Variants in EPHA5 observed in about 807,000 individuals in gnomAD.
EPHA5 encodes EPH receptor A5.
In EPHA5, 60 loss-of-function variants were observed where a neutral mutation model predicts 105.0. The observed-to-expected ratio is 0.57, with a 90% confidence interval of 0.46 to 0.71. The LOEUF (loss-of-function observed/expected upper bound fraction) is 0.71, where lower values mean the gene tolerates loss of function less well. Ranked by LOEUF, EPHA5 falls within the 30% of genes least tolerant of loss-of-function variation. The pLI, the probability that EPHA5 is intolerant of heterozygous loss-of-function variation, is 0.00. For missense variants in EPHA5, 1,218 were observed against 1,274.7 expected (o/e 0.96, Z 0.68); for synonymous variants, 513 against 449.1 (o/e 1.14, Z -1.80).
chr4:65,622,313 C>T (rs534000348), intron 2 of EPHA5, among the ~76,000 whole-genome samples: 2 of 152,052 alleles, frequency 1.3e-5, no homozygotes, highest in South Asian at 2.1e-4. Context: ...AAATTCATTG[C>T]ACCATAAGAG....
chr4:65,423,000 G>C (rs117001062), intron 5 of EPHA5, among the ~76,000 whole-genome samples: 1 of 151,886 alleles, frequency 6.6e-6, no homozygotes, highest in East Asian at 1.9e-4. Flanking sequence ...TCCTTTTTCT[G>C]TCCTGAGATT....
At position 65,494,811 on chromosome 4, in the gene EPHA5, A is replaced by C. The variant is rs1424965113; in HGVS notation, c.1066+577T>G. The stretch of plus-strand genomic sequence containing the variant: ...TGATCTGATTTAAATCTTGTTTGCC[A>C]CTCCCAGTTCTCTATGTTCCTGAAA... On this transcript the variant is annotated intron_variant, in intron 4 of 16. Coordinates refer to ENST00000613740, the MANE Select transcript of EPHA5 (RefSeq NM_001281766.3). Among the ~76,000 whole-genome samples, 4 of 152,132 alleles carry C rather than the reference A, an allele frequency of 2.6e-5. No homozygotes were observed. The East Asian group carries it at 5.8e-4, about 22-fold the overall frequency.
At chr4:65,392,071 C>T (rs991374543) in intron 8 of EPHA5, among the ~76,000 whole-genome samples, 3 of 152,188 alleles carry the variant, frequency 2.0e-5, no homozygotes, top group Non-Finnish European at 4.4e-5. Context: ...TTTCCTAGGA[C>T]GGTTTACTTC....
rs145974687 is a variant in EPHA5, at chr4:65,494,244, A to T, written c.1066+1144T>A. Among the ~76,000 whole-genome samples the T allele has an allele frequency of 7.9e-5, 12 of 152,364 alleles. No individual in the cohort carries two copies. The East Asian group carries it at 2.3e-3, about 29-fold the overall frequency. The stretch of plus-strand genomic sequence containing the variant: ...GGAAATCTGAAAACATGTTTCACTG[A>T]CACTATGAAATTTAGACACTATGAA... On this transcript the variant is annotated intron_variant, in intron 4 of 16. Transcript: ENST00000613740.
intron 2 of EPHA5, among the ~76,000 whole-genome samples, chr4:65,606,822 A>T (rs1039083443): frequency 2.6e-5 from 4 of 152,184 alleles, no homozygotes; most frequent in African/African-American, 9.7e-5. Context: ...TAATATTACG[A>T]CCATCTTAGG....
chr4:65,492,168 T>G (rs934255129), intron 4 of EPHA5, among the ~76,000 whole-genome samples: 1 of 152,156 alleles, frequency 6.6e-6, no homozygotes, highest in East Asian at 1.9e-4. Context: ...GTAAGAAAGC[T>G]AATTGGCATT....
chr4:65,637,466 GA>G (rs35369947), intron 2 of EPHA5, among the ~76,000 whole-genome samples: 35 of 150,086 alleles, frequency 2.3e-4, no homozygotes, highest in Non-Finnish European at 1.9e-4. Context: ...CTGGCTTCCT[GA>G]AATATCCAAT....
At chr4:65,349,159 TTG>T (rs1722580585) in intron 13 of EPHA5, among the ~76,000 whole-genome samples, 2 of 151,984 alleles carry the variant, frequency 1.3e-5, no homozygotes, top group Non-Finnish European at 2.9e-5. Context: ...TCCCTTGACG[TTG>T]TGTTATTTCT....
intron 3 of EPHA5, chr4:65,574,135 C>T: frequency 6.2e-7 from 1 of 1,608,200 alleles, no homozygotes. Flanking sequence ...CTGCGGAAGC[C>T]CAGACACCAG....
At chr4:65,566,683 G>C (rs540315267) in intron 3 of EPHA5, among the ~76,000 whole-genome samples, 47 of 151,858 alleles carry the variant, frequency 3.1e-4, no homozygotes, top group African/African-American at 1.1e-3. Flanking sequence ...CTGCTGGTTA[G>C]CAATGCCTCT....
intron 8 of EPHA5, among the ~76,000 whole-genome samples, chr4:65,403,673 A>T (rs1441954925): frequency 6.6e-6 from 1 of 151,994 alleles, no homozygotes; most frequent in African/African-American, 2.4e-5. Flanking sequence ...GATTATGCTC[A>T]GCTTAATATC....
chr4:65,549,120 TG>T (rs1737652847), intron 3 of EPHA5, among the ~76,000 whole-genome samples: 1 of 151,938 alleles, frequency 6.6e-6, no homozygotes, highest in Non-Finnish European at 1.5e-5. Context: ...GCAACATAAA[TG>T]CAAACATCAG....
rs746003732 is a variant in EPHA5, at chr4:65,366,071, T to C, written c.1862-14A>G. On this transcript the variant is annotated splice_polypyrimidine_tract_variant and intron_variant, in intron 9 of 16. Coordinates refer to ENST00000613740, the MANE Select transcript of EPHA5 (RefSeq NM_001281766.3). ...CTGGCAGTTTAACTGTAAATATAAATTGGCATTAAAACAGAAGTAGTTGTG... is the reference window on the plus strand; with the variant it reads ...CTGGCAGTTTAACTGTAAATATAAACTGGCATTAAAACAGAAGTAGTTGTG... The C allele has an allele frequency of 1.3e-6, 2 of 1,586,714 alleles. No individual in the cohort carries two copies. Among genetic ancestry groups the C allele is most frequent in the Non-Finnish European group, 1.7e-6 (2 of 1,159,668 alleles).
At chr4:65,466,481 G>A (rs986808611) in intron 5 of EPHA5, among the ~76,000 whole-genome samples, 3 of 152,190 alleles carry the variant, frequency 2.0e-5, no homozygotes, top group Non-Finnish European at 4.4e-5. Flanking sequence ...TTTGAGGAGG[G>A]AAGTATCGTC....
intron 8 of EPHA5, among the ~76,000 whole-genome samples, chr4:65,391,280 A>G (rs1189420838): frequency 1.3e-5 from 2 of 152,102 alleles, no homozygotes; most frequent in Non-Finnish European, 2.9e-5. Context: ...GCTTTTTATC[A>G]CTATAACTAT....
At chr4:65,459,168 C>G (rs915860529) in intron 5 of EPHA5, among the ~76,000 whole-genome samples, 6 of 151,990 alleles carry the variant, frequency 3.9e-5, no homozygotes, top group Non-Finnish European at 7.4e-5. Flanking sequence ...AAGGACCATA[C>G]TCAATACTTA....
intron 14 of EPHA5, among the ~76,000 whole-genome samples, chr4:65,343,108 A>G (rs914015299): frequency 6.6e-6 from 1 of 152,218 alleles, no homozygotes; most frequent in African/African-American, 2.4e-5. Flanking sequence ...TGCAATAAAT[A>G]TAAGAGAAAG....
intron 2 of EPHA5, among the ~76,000 whole-genome samples, chr4:65,615,885 T>C (rs1294849200): frequency 1.3e-5 from 2 of 151,906 alleles, no homozygotes; most frequent in African/African-American, 4.8e-5. Flanking sequence ...AAATTTCATA[T>C]TAAATTAAAT....
At chr4:65,372,314 T>C (rs1718555960) in intron 8 of EPHA5, among the ~76,000 whole-genome samples, 1 of 151,912 alleles carries the variant, frequency 6.6e-6, no homozygotes, top group Non-Finnish European at 1.5e-5. Flanking sequence ...TAAATAAGCA[T>C]ATGAACATTA....
Sources: allele counts gnomAD v4.1 joint callset (sites outside exome capture counted in the v4.1 genomes callset), GRCh38; gene constraint gnomAD v4.1.1; transcripts MANE v1.5; gene names NCBI Gene and HGNC (gene_info 2026-07-23, HGNC 2026-07-21).